The following ZHX2 variants were observed in gnomAD, a reference collection of about 807,000 sequenced individuals.
ZHX2 encodes the protein zinc fingers and homeoboxes 2.
ZHX2 carries 6 observed loss-of-function variants against 21.9 expected under a neutral mutation model. That is an observed-to-expected ratio of 0.27 (90% CI 0.15 to 0.54). The LOEUF is 0.54. Ranked by LOEUF, ZHX2 falls within the 20% of genes least tolerant of loss-of-function variation. The probability of loss-of-function intolerance (pLI) is 0.95; values close to 1 mark genes in which losing one functional copy is unlikely to be tolerated. For synonymous variants in ZHX2, 434 were observed against 437.1 expected (o/e 0.99, Z 0.09); for missense variants, 908 against 1,090.7 (o/e 0.83, Z 2.36).
chr8:122,809,037 A>C (rs952719700), intron 1 of ZHX2: 3 of 152,250 alleles, frequency 2.0e-5, no homozygotes, highest in African/African-American at 7.2e-5. Flanking sequence ...GATAAATGCC[A>C]TCAGTTCCAT....
chr8:122,968,348 A>C (rs981985293), intron 3 of ZHX2, among the ~76,000 whole-genome samples: 8 of 152,148 alleles, frequency 5.3e-5, no homozygotes, highest in African/African-American at 1.4e-4. Context: ...GCAGGGAAGG[A>C]GAGCTTTGGC....
chr8:122,822,085 G>A (rs557345364), intron 1 of ZHX2, among the ~76,000 whole-genome samples: 113 of 152,274 alleles, frequency 7.4e-4, no homozygotes, highest in Non-Finnish European at 1.4e-3. Flanking sequence ...GGGACTTCCA[G>A]ACCCTGGCTC....
At chr8:122,810,478 A>C (rs1375719127) in intron 1 of ZHX2, 6 of 152,248 alleles carry the variant, frequency 3.9e-5, no homozygotes, top group Non-Finnish European at 8.8e-5. Context: ...AGATCTCAGC[A>C]GACAAGAAGA....
intron 2 of ZHX2, among the ~76,000 whole-genome samples, chr8:122,884,667 G>C (rs966589982): frequency 6.6e-6 from 1 of 152,210 alleles, no homozygotes; most frequent in Non-Finnish European, 1.5e-5. Flanking sequence ...GGTCTTCACC[G>C]AGGAGGAGGG....
In ZHX2 at chr8:122,953,628, TGCC is replaced by T. The variant is rs1290183443; in HGVS notation, c.2120_2122del (p.Ala707del). On this transcript the variant is annotated inframe_deletion, in exon 3 of 4. Coordinates refer to ENST00000314393, the MANE Select transcript of ZHX2 (RefSeq NM_014943.5). The surrounding 1 kb of genome is among the most constrained non-coding windows in gnomAD (Gnocchi z 4.6). ...CCATGGCAGATGATCACGGCTACGA[TGCC>T]GTAGCAAGGAAAGCAACAAAACCCA... 2 of 1,614,156 alleles carry T rather than the reference TGCC, an allele frequency of 1.2e-6. No homozygotes were observed. Among genetic ancestry groups the T allele is most frequent in the Admixed American group, 3.3e-5 (2 of 60,028 alleles).
At chr8:122,946,893 G>T (rs974614372) in intron 2 of ZHX2, among the ~76,000 whole-genome samples, 5 of 151,856 alleles carry the variant, frequency 3.3e-5, no homozygotes, top group African/African-American at 7.3e-5. Context: ...ACACACTACT[G>T]AGCATTCACA....
chr8:122,793,985 C>A (rs1371866990), intron 1 of ZHX2, among the ~76,000 whole-genome samples: 1 of 152,174 alleles, frequency 6.6e-6, no homozygotes, highest in Non-Finnish European at 1.5e-5. Context: ...TTGTCTTATG[C>A]TATCCACCAG....
intron 1 of ZHX2, among the ~76,000 whole-genome samples, chr8:122,843,203 T>G (rs565974146): frequency 1.9e-4 from 29 of 152,258 alleles, no homozygotes; most frequent in Non-Finnish European, 4.1e-4. Flanking sequence ...AGACTCTGTG[T>G]TAGATGTCCT....
chr8:122,873,463 A>G (rs577830072), intron 2 of ZHX2, among the ~76,000 whole-genome samples: 1 of 152,176 alleles, frequency 6.6e-6, no homozygotes, highest in East Asian at 1.9e-4. Context: ...GCCTGTCCGT[A>G]CTTGGCCCCT....
intron 2 of ZHX2, among the ~76,000 whole-genome samples, chr8:122,897,779 C>T (rs534401344): frequency 2.6e-4 from 40 of 152,234 alleles, no homozygotes; most frequent in African/African-American, 9.4e-4. Context: ...CCAGTCAACT[C>T]TCTGGGTAAC....
intron 3 of ZHX2, among the ~76,000 whole-genome samples, chr8:122,965,900 A>G (rs1202385026): frequency 1.3e-5 from 2 of 152,158 alleles, no homozygotes; most frequent in African/African-American, 4.8e-5. Context: ...TCATTATATA[A>G]TGTCCCTCTT....
rs994552140 is a variant in ZHX2 at position 122,897,191 on chromosome 8, T to C, written c.-220+33652T>C. On this transcript the variant is annotated intron_variant, in intron 2 of 3. Coordinates refer to ENST00000314393, the MANE Select transcript of ZHX2 (RefSeq NM_014943.5). ...GAGAGGCAAAACAGCATGGTAGCTA[T>C]GAACCATGTTAAAATTCCGGTGTCT... is the stretch of plus-strand genomic sequence containing the variant. Among the ~76,000 whole-genome samples, 10 of 152,346 alleles carry C rather than the reference T, an allele frequency of 6.6e-5. No individual in the cohort carries two copies. In the South Asian group the frequency reaches 2.1e-3, roughly 32 times the overall value.
chr8:122,944,372 T>C (rs576722307), intron 2 of ZHX2, among the ~76,000 whole-genome samples: 1 of 152,256 alleles, frequency 6.6e-6, no homozygotes, highest in African/African-American at 2.4e-5. Context: ...ACCATTTTAT[T>C]TCTAAGAAGA....
Position 122,953,101 on chromosome 8 carries a change from C to A in ZHX2, c.1591C>A (p.Gln531Lys), listed in dbSNP as rs746812275. 1 of 1,613,988 alleles carries A rather than the reference C, an allele frequency of 6.2e-7. No individual in the cohort carries two copies. The highest frequency in any genetic ancestry group is 8.5e-7 in the Non-Finnish European group (1 of 1,180,032). Residue 531 changes from glutamine (Q) to lysine (K), a missense_variant, in exon 3 of 4, where the codon CAG becomes AAG. Around this residue, in one of 4 missense-constraint regions of ZHX2, gnomAD observed 431 missense variants for 428.6 expected, o/e 1.01. Coordinates refer to ENST00000314393, the MANE Select transcript of ZHX2 (RefSeq NM_014943.5). This position sits in a 1 kb window ranked among gnomAD's most constrained non-coding sequence, Gnocchi z 4.6. The stretch of plus-strand genomic sequence containing the variant: ...TCATGCGTACCCAGACTTTGCCCCC[C>A]AGAAGTTCAAAGAGAAAACACAGGG... ...TYHAYPDFAP[Q>K]KFKEKTQGQV...
chr8:122,817,247 G>A (rs1257137243), intron 1 of ZHX2, among the ~76,000 whole-genome samples: 1 of 152,150 alleles, frequency 6.6e-6, no homozygotes, highest in East Asian at 1.9e-4. Context: ...CAATGCCCGC[G>A]TGCTTTCCAC....
intron 1 of ZHX2, among the ~76,000 whole-genome samples, chr8:122,845,077 G>A (rs1218927566): frequency 6.6e-6 from 1 of 152,140 alleles, no homozygotes; most frequent in Non-Finnish European, 1.5e-5. Flanking sequence ...AAGAACATGG[G>A]CTACAAACAC....
intron 2 of ZHX2, among the ~76,000 whole-genome samples, chr8:122,898,574 C>G (rs1169769562): frequency 6.6e-6 from 1 of 152,220 alleles, no homozygotes; most frequent in African/African-American, 2.4e-5. Context: ...TCATCCATCA[C>G]AAGCTCCACA....
At chr8:122,808,293 A>C (rs1160498712) in intron 1 of ZHX2, among the ~76,000 whole-genome samples, 2 of 152,100 alleles carry the variant, frequency 1.3e-5, no homozygotes. Flanking sequence ...CATATCCAAG[A>C]CTGGGTAATT....
chr8:122,832,689 G>A (rs2130679386), intron 1 of ZHX2, among the ~76,000 whole-genome samples: 1 of 152,264 alleles, frequency 6.6e-6, no homozygotes, highest in South Asian at 2.1e-4. Flanking sequence ...TATCCTGCTA[G>A]TCCTAGAAAA....
Sources: gnomAD v4.1 joint callset for allele counts (sites outside exome capture counted in the v4.1 genomes callset) on GRCh38, gnomAD v4.1.1 for gene constraint, gnomAD v4.1.1 regional missense constraint, Gnocchi (gnomAD v3.1) non-coding constraint, MANE v1.5 for transcripts, NCBI Gene and HGNC (gene_info 2026-07-23, HGNC 2026-07-21) for gene names.